The following RAB38 variants were observed in gnomAD, a reference collection of about 807,000 sequenced individuals.
RAB38 encodes ras-related protein Rab-38.
Under a neutral mutation model 18.4 loss-of-function variants are expected in RAB38, and 15 were observed. The ratio of observed to expected loss-of-function variants is 0.82; its 90% confidence interval spans 0.55 to 1.26. RAB38 has a LOEUF of 1.26. RAB38 is among the 50% of genes most tolerant of loss of function. The pLI is 0.00. For synonymous variants in RAB38, 101 were observed against 104.4 expected, an observed-to-expected ratio of 0.97 and a Z score of 0.20; for missense variants, 294 against 267.4, an observed-to-expected ratio of 1.10 and a Z score of -0.69.
At chr11:88,102,172 C>T in the RAB38 span, among the ~76,000 whole-genome samples, 32 of 151,984 alleles carry the variant, frequency 2.1e-4, no homozygotes, top group Admixed American at 3.3e-4. Context: ...GATTATAAAA[C>T]CAGAGGATTA....
At chr11:87,946,437 C>T in the RAB38 span, among the ~76,000 whole-genome samples, 2 of 152,024 alleles carry the variant, frequency 1.3e-5, no homozygotes, top group African/African-American at 4.8e-5. Context: ...ATGTGCACAA[C>T]GTGCAGGTTT....
intron 1 of RAB38, among the ~76,000 whole-genome samples, chr11:88,165,284 C>T (rs302651): frequency 0.71 from 107,361 of 151,878 alleles, 38,392 homozygotes; most frequent in Middle Eastern, 0.81. Flanking sequence ...GCATGACCTG[C>T]TACTATTGGT....
At chr11:87,908,611 T>C in the RAB38 span, among the ~76,000 whole-genome samples, 1 of 152,192 alleles carries the variant, frequency 6.6e-6, no homozygotes, top group African/African-American at 2.4e-5. Context: ...CTTCAGTGTC[T>C]AGCACTGTGC....
the RAB38 span, among the ~76,000 whole-genome samples, chr11:87,936,360 A>ATTATTTT: frequency 2.0e-4 from 30 of 152,122 alleles, no homozygotes; most frequent in Non-Finnish European, 3.7e-4. Context: ...TTTATTATTT[A>ATTATTTT]TTGGATGTCC....
the RAB38 span, among the ~76,000 whole-genome samples, chr11:88,040,287 C>T: frequency 2.0e-5 from 3 of 152,130 alleles, no homozygotes; most frequent in South Asian, 2.1e-4. Context: ...TGTAGATGGC[C>T]GTCCTCTCCC....
the RAB38 span, among the ~76,000 whole-genome samples, chr11:87,946,346 CTTTGA>C: frequency 6.6e-6 from 1 of 152,088 alleles, no homozygotes; most frequent in Admixed American, 6.6e-5. Context: ...GGAATTCAGT[CTTTGA>C]TTTGAAAACC....
At chr11:88,041,890 C>T in the RAB38 span, among the ~76,000 whole-genome samples, 1 of 152,126 alleles carries the variant, frequency 6.6e-6, no homozygotes, top group African/African-American at 2.4e-5. Flanking sequence ...TGAAACCTGG[C>T]AGCTCAGCCT....
the RAB38 span, among the ~76,000 whole-genome samples, chr11:88,076,327 G>A: frequency 6.6e-6 from 1 of 151,994 alleles, no homozygotes; most frequent in African/African-American, 2.4e-5. Flanking sequence ...TGTACCGAAT[G>A]GAAAAAATTT....
chr11:87,845,945 G>A, the RAB38 span, among the ~76,000 whole-genome samples: 1 of 152,068 alleles, frequency 6.6e-6, no homozygotes, highest in East Asian at 1.9e-4. Flanking sequence ...CTTCAGTATT[G>A]AAGGTGAGAT....
the RAB38 span, among the ~76,000 whole-genome samples, chr11:87,813,323 A>G: frequency 7.2e-5 from 11 of 152,184 alleles, no homozygotes; most frequent in Non-Finnish European, 1.3e-4. Flanking sequence ...GTGTTGATAA[A>G]GAACTGTTCC....
At chr11:87,956,911 G>GT in the RAB38 span, among the ~76,000 whole-genome samples, 14 of 151,578 alleles carry the variant, frequency 9.2e-5, no homozygotes, top group African/African-American at 2.4e-4. Flanking sequence ...GTTTCACCCT[G>GT]TTTTTTGTAC....
the RAB38 span, among the ~76,000 whole-genome samples, chr11:87,931,705 T>C: frequency 3.4e-3 from 525 of 152,232 alleles, 4 homozygotes; most frequent in African/African-American, 0.011. Context: ...AGAGAGAATA[T>C]ATGTGTTAAA....
the RAB38 span, among the ~76,000 whole-genome samples, chr11:87,976,328 T>A: frequency 7.0e-6 from 1 of 142,628 alleles, no homozygotes; most frequent in South Asian, 2.1e-4. Context: ...CAGAGTTTTT[T>A]ATATGTAGGT....
chr11:88,160,645 C>G (rs1467168143), intron 1 of RAB38, among the ~76,000 whole-genome samples: 5 of 152,066 alleles, frequency 3.3e-5, no homozygotes, highest in Admixed American at 1.3e-4. Flanking sequence ...GAATATTACA[C>G]AGCCAAAAAA....
the RAB38 span, among the ~76,000 whole-genome samples, chr11:87,812,241 T>C: frequency 6.6e-6 from 1 of 152,184 alleles, no homozygotes; most frequent in Non-Finnish European, 1.5e-5. Flanking sequence ...TCAAGCCTCT[T>C]TTTGTTTTGC....
chr11:88,116,275 AG>A (rs1942551801), intron 2 of RAB38, among the ~76,000 whole-genome samples: 1 of 152,172 alleles, frequency 6.6e-6, no homozygotes, highest in Admixed American at 6.5e-5. Flanking sequence ...GAAGGTAAAA[AG>A]GGGTCTCCTC....
the RAB38 span, among the ~76,000 whole-genome samples, chr11:87,870,716 C>T: frequency 6.6e-6 from 1 of 151,486 alleles, no homozygotes; most frequent in Non-Finnish European, 1.5e-5. Context: ...CTGTCCTCTG[C>T]CCAAGCGAAT....
At chr11:87,904,127 G>T in the RAB38 span, among the ~76,000 whole-genome samples, 382 of 151,568 alleles carry the variant, frequency 2.5e-3, no homozygotes, top group Non-Finnish European at 4.2e-3. Context: ...TATTCAGGAG[G>T]TACACATGCC....
chr11:87,932,774 C>T, the RAB38 span, among the ~76,000 whole-genome samples: 1 of 152,112 alleles, frequency 6.6e-6, no homozygotes, highest in Non-Finnish European at 1.5e-5. Context: ...CCACCTGACT[C>T]ATCTACTCAT....
Sources: allele counts gnomAD v4.1 joint callset (sites outside exome capture counted in the v4.1 genomes callset), GRCh38; gene constraint gnomAD v4.1.1; transcripts MANE v1.5; gene names NCBI Gene and HGNC (gene_info 2026-07-23, HGNC 2026-07-21).